The following IL1RAPL2 variants were observed in gnomAD, a reference collection of about 807,000 sequenced individuals.
IL1RAPL2 encodes the protein X-linked interleukin-1 receptor accessory protein-like 2.
IL1RAPL2 carries 3 observed loss-of-function variants against 44.1 expected under a neutral mutation model. That is an observed-to-expected ratio of 0.07 (90% CI 0.03 to 0.18). The LOEUF is 0.18. IL1RAPL2 is among the 10% of genes least tolerant of loss of function. IL1RAPL2 has a pLI of 1.00. For synonymous variants in IL1RAPL2, 181 were observed against 178.8 expected (o/e 1.01, Z -0.10); for missense variants, 391 against 496.4 (o/e 0.79, Z 2.02).
intron 5 of IL1RAPL2, among the ~76,000 whole-genome samples, chrX:105,463,489 G>A (rs1481811900): frequency 1.1e-4 from 12 of 109,779 alleles, no homozygotes; most frequent in Non-Finnish European, 9.5e-5. Flanking sequence ...TAACTCTTTA[G>A]GTTCCTGTTT....
chrX:105,019,761 C>G (rs891950789), intron 2 of IL1RAPL2, among the ~76,000 whole-genome samples: 1 of 111,394 alleles, frequency 9.0e-6, no homozygotes, highest in Admixed American at 9.6e-5. Flanking sequence ...TCATTTTTAA[C>G]TAAAGTGATT....
At chrX:105,498,272 T>C (rs2036369363) in intron 6 of IL1RAPL2, among the ~76,000 whole-genome samples, 1 of 111,301 alleles carries the variant, frequency 9.0e-6, no homozygotes, top group Non-Finnish European at 1.9e-5. Context: ...ACAAATAAAA[T>C]TGAGAAAACA....
chrX:105,233,974 C>A lies in IL1RAPL2; in HGVS notation c.513C>A (p.Ser171=). 8.3e-7 allele frequency: 1 copy of A among 1,207,906 alleles called. No individual in the cohort carries two copies. Among genetic ancestry groups the A allele is most frequent in the Non-Finnish European group, 1.1e-6 (1 of 893,895 alleles). Residue 171 remains serine (S), a synonymous_variant, in exon 4 of 11, where the codon TCC becomes TCA. Transcript: ENST00000372582. The stretch of plus-strand genomic sequence containing the variant: ...CAGACATGGATGACTTTAAAAAGTC[C>A]GATCAGGAGCCTGATGTTGTGTGGT... ...SCPDMDDFKK[S]DQEPDVVWYK... is the part of the protein sequence containing the mutation.
At chrX:104,810,236 G>A (rs2147618072) in intron 2 of IL1RAPL2, among the ~76,000 whole-genome samples, 1 of 110,080 alleles carries the variant, frequency 9.1e-6, no homozygotes, top group African/African-American at 3.3e-5. Context: ...GACACAGGAA[G>A]GGGAACATCA....
chrX:105,334,402 G>C (rs1285250965), intron 5 of IL1RAPL2, among the ~76,000 whole-genome samples: 1 of 31,190 alleles, frequency 3.2e-5, no homozygotes, highest in Non-Finnish European at 8.4e-4. Context: ...TGGTTAATGG[G>C]TACAAAAATA....
chrX:105,161,544 G>A (rs932909271), intron 2 of IL1RAPL2, among the ~76,000 whole-genome samples: 18 of 110,683 alleles, frequency 1.6e-4, no homozygotes, highest in African/African-American at 5.6e-4. Context: ...AATTATTATG[G>A]TTCATGTTAA....
intron 1 of IL1RAPL2, among the ~76,000 whole-genome samples, chrX:104,588,243 A>G (rs945084971): frequency 2.7e-5 from 3 of 110,347 alleles, no homozygotes; most frequent in African/African-American, 9.9e-5. Flanking sequence ...ACACTCACTC[A>G]TTTAAGTTTA....
intron 2 of IL1RAPL2, among the ~76,000 whole-genome samples, chrX:105,047,232 G>C (rs370363489): frequency 1.8e-5 from 2 of 111,055 alleles, no homozygotes; most frequent in South Asian, 3.8e-4. Flanking sequence ...ATATCTAGTA[G>C]ACACCATTAA....
intron 2 of IL1RAPL2, among the ~76,000 whole-genome samples, chrX:105,124,340 T>A (rs1407358266): frequency 1.8e-5 from 2 of 110,610 alleles, no homozygotes; most frequent in South Asian, 3.8e-4. Context: ...TACATGAACA[T>A]ATGGTTTTGT....
chrX:104,618,685 G>A (rs1470797310), intron 1 of IL1RAPL2, among the ~76,000 whole-genome samples: 1 of 111,450 alleles, frequency 9.0e-6, no homozygotes, highest in African/African-American at 3.3e-5. Flanking sequence ...TGGGTGTGTA[G>A]CAGAGAGGGC....
chrX:104,926,326 A>G (rs1287641555), intron 2 of IL1RAPL2, among the ~76,000 whole-genome samples: 1 of 112,280 alleles, frequency 8.9e-6, no homozygotes, highest in Admixed American at 9.5e-5. Context: ...CATTTCTGAC[A>G]TGGGTATTTC....
At chrX:104,846,090 G>A (rs1293844807) in intron 2 of IL1RAPL2, among the ~76,000 whole-genome samples, 3 of 111,622 alleles carry the variant, frequency 2.7e-5, no homozygotes, top group South Asian at 3.8e-4. Context: ...CATTTTGTTA[G>A]GAGTTATACT....
chrX:104,712,639 G>A (rs2147558715), intron 2 of IL1RAPL2, among the ~76,000 whole-genome samples: 2 of 111,081 alleles, frequency 1.8e-5, no homozygotes, highest in South Asian at 7.4e-4. Flanking sequence ...GTAGGGAGTA[G>A]ACCAGTAATT....
intron 2 of IL1RAPL2, among the ~76,000 whole-genome samples, chrX:104,949,042 T>C (rs1925483800): frequency 9.1e-6 from 1 of 110,392 alleles, no homozygotes; most frequent in Non-Finnish European, 1.9e-5. Context: ...TGAATCCATC[T>C]CGTCCTGGAC....
At chrX:104,918,909 G>A (rs1362006440) in intron 2 of IL1RAPL2, among the ~76,000 whole-genome samples, 1 of 111,508 alleles carries the variant, frequency 9.0e-6, no homozygotes, top group Non-Finnish European at 1.9e-5. Context: ...GAGCTCCTCT[G>A]TGGTCCCTAA....
chrX:105,187,806 C>T (rs1424712705), intron 2 of IL1RAPL2, among the ~76,000 whole-genome samples: 4 of 111,245 alleles, frequency 3.6e-5, no homozygotes, highest in African/African-American at 1.3e-4. Flanking sequence ...ATATCTATTG[C>T]ACAGCATAGG....
At chrX:104,851,532 G>A (rs976430737) in intron 2 of IL1RAPL2, among the ~76,000 whole-genome samples, 2 of 111,684 alleles carry the variant, frequency 1.8e-5, no homozygotes, top group Non-Finnish European at 3.8e-5. Flanking sequence ...AAGGGAGGGA[G>A]TCTGAGAATC....
intron 1 of IL1RAPL2, chrX:104,647,880 G>T: frequency 1.6e-6 from 1 of 628,225 alleles, no homozygotes; most frequent in Non-Finnish European, 2.7e-6. Flanking sequence ...CCACAGAATC[G>T]GTCAAAGATG....
At chrX:105,676,486 G>C (rs1404301234) in intron 6 of IL1RAPL2, among the ~76,000 whole-genome samples, 1 of 111,740 alleles carries the variant, frequency 8.9e-6, no homozygotes, top group Non-Finnish European at 1.9e-5. Context: ...GATGGCATCA[G>C]ACTCAATAGA....
Sources: gnomAD v4.1 joint callset for allele counts (sites outside exome capture counted in the v4.1 genomes callset) on GRCh38, gnomAD v4.1.1 for gene constraint, MANE v1.5 for transcripts, NCBI Gene and HGNC (gene_info 2026-07-23, HGNC 2026-07-21) for gene names.